Variants in PPP2R3A observed in about 807,000 individuals in gnomAD.
PPP2R3A encodes serine/threonine-protein phosphatase 2A regulatory subunit B'' subunit alpha.
PPP2R3A carries 80 observed loss-of-function variants against 106.9 expected under a neutral mutation model. That is an observed-to-expected ratio of 0.75 (90% CI 0.62 to 0.90). PPP2R3A has a LOEUF of 0.90. Among genes scored for constraint, PPP2R3A ranks in the 40% least tolerant of loss-of-function variants. The probability of loss-of-function intolerance (pLI) is 0.00; values close to 1 mark genes in which losing one functional copy is unlikely to be tolerated. For missense variants in PPP2R3A, 1,386 were observed against 1,350.4 expected, an observed-to-expected ratio of 1.03 and a Z score of -0.41; for synonymous variants, 483 against 468.3, an observed-to-expected ratio of 1.03 and a Z score of -0.41.
chr3:136,053,824 T>C (rs1360625585), intron 5 of PPP2R3A, among the ~76,000 whole-genome samples: 1 of 152,144 alleles, frequency 6.6e-6, no homozygotes, highest in Admixed American at 6.6e-5. Flanking sequence ...TCAAGAAAGA[T>C]ACCTGTTGAA....
chr3:136,140,570 G>GA (rs1402111456), intron 13 of PPP2R3A, among the ~76,000 whole-genome samples: 5 of 151,800 alleles, frequency 3.3e-5, no homozygotes, highest in Non-Finnish European at 7.4e-5. Flanking sequence ...CCAACATGGA[G>GA]AAACCCTGTC....
intron 3 of PPP2R3A, among the ~76,000 whole-genome samples, chr3:136,027,302 CA>C: frequency 6.6e-6 from 1 of 152,184 alleles, no homozygotes; most frequent in South Asian, 2.1e-4. Context: ...AAGACATCAC[CA>C]ACTCATAAAT....
Position 136,087,606 on chromosome 3 carries a change from C to A in PPP2R3A, c.2789-277C>A, listed in dbSNP as rs947071541. On this transcript the variant is annotated intron_variant, in intron 8 of 13. Transcript: ENST00000264977. ...TTGGTCTCATTGGATAAGATCAAAA[C>A]AAATCCTATATATTTTTGTCCTAGC... 1.8e-5 allele frequency: 5 copies of A among 280,022 alleles called. No individual in the cohort carries two copies. The East Asian group carries it at 3.4e-4, about 19-fold the overall frequency. The allele number at this position is 280,022 out of a possible 1,614,324, so 17.3% of individuals were successfully genotyped here.
intron 1 of PPP2R3A, among the ~76,000 whole-genome samples, chr3:135,998,087 G>A (rs1933473215): frequency 6.6e-6 from 1 of 152,188 alleles, no homozygotes; most frequent in African/African-American, 2.4e-5. Context: ...CTGCTGCTCT[G>A]TTTTCCTGCC....
chr3:136,053,101 A>G (rs564598871), intron 5 of PPP2R3A, among the ~76,000 whole-genome samples: 2 of 152,308 alleles, frequency 1.3e-5, no homozygotes, highest in South Asian at 2.1e-4. Flanking sequence ...AAAACAAACA[A>G]GGAGACAACA....
intron 1 of PPP2R3A, among the ~76,000 whole-genome samples, chr3:135,977,792 C>T (rs752564314): frequency 8.0e-5 from 12 of 149,614 alleles, no homozygotes; most frequent in East Asian, 5.9e-4. Flanking sequence ...CTCCGCTTCC[C>T]GGGCTCAAGC....
At chr3:135,990,096 A>G (rs564932699) in intron 1 of PPP2R3A, among the ~76,000 whole-genome samples, 2 of 152,344 alleles carry the variant, frequency 1.3e-5, no homozygotes, top group East Asian at 1.9e-4. Flanking sequence ...TTAAAAAGAC[A>G]AAACAGTAAC....
intron 5 of PPP2R3A, among the ~76,000 whole-genome samples, chr3:136,056,204 AAG>A (rs1935855045): frequency 6.6e-6 from 1 of 152,234 alleles, no homozygotes; most frequent in Non-Finnish European, 1.5e-5. Context: ...AGGAAAGTCT[AAG>A]AAACTGTCAC....
intron 1 of PPP2R3A, among the ~76,000 whole-genome samples, chr3:135,997,801 C>T (rs1933460263): frequency 6.6e-6 from 1 of 152,152 alleles, no homozygotes; most frequent in Non-Finnish European, 1.5e-5. Context: ...CTAATCAGTG[C>T]CCTCCTCTTT....
Position 136,103,240 on chromosome 3 carries a change from T to G in PPP2R3A, c.3104-18T>G. ...CAGCTCTTGATGAAATTTACCAGATTTGTTTATTTTTATGTAGGCAAAATA... is the reference window on the plus strand; with the variant it reads ...CAGCTCTTGATGAAATTTACCAGATGTGTTTATTTTTATGTAGGCAAAATA... On this transcript the variant is annotated intron_variant, in intron 11 of 13. Transcript: ENST00000264977. 6.6e-7 allele frequency: 1 copy of G among 1,514,548 alleles called. No homozygotes were observed. The highest frequency in any genetic ancestry group is 9.0e-7 in the Non-Finnish European group (1 of 1,105,932). The allele number at this position is 1,514,548 out of a possible 1,614,324, so 93.8% of individuals were successfully genotyped here.
chr3:136,070,132 T>C (rs1936380306), intron 5 of PPP2R3A, among the ~76,000 whole-genome samples: 1 of 152,220 alleles, frequency 6.6e-6, no homozygotes, highest in African/African-American at 2.4e-5. Flanking sequence ...TCTGTGTAAA[T>C]ACACTTTACA....
At chr3:135,984,119 A>G (rs904168703) in intron 1 of PPP2R3A, among the ~76,000 whole-genome samples, 2 of 151,686 alleles carry the variant, frequency 1.3e-5, no homozygotes, top group Non-Finnish European at 2.9e-5. Context: ...CCTTCTAACT[A>G]CCCTTCCTTT....
intron 4 of PPP2R3A, among the ~76,000 whole-genome samples, chr3:136,041,261 T>G (rs1461904857): frequency 5.7e-5 from 7 of 121,920 alleles, no homozygotes; most frequent in African/African-American, 2.4e-4. Context: ...TTTTTTTTTT[T>G]GTTTTTTTTT....
At chr3:136,090,463 G>A in intron 9 of PPP2R3A, 115 bp from the exon 10 acceptor site, 1 of 754,752 alleles carries the variant, frequency 1.3e-6, no homozygotes, top group Non-Finnish European at 2.2e-6. Flanking sequence ...GAGGCATTTA[G>A]CATTATAATT....
chr3:135,976,934 T>C (rs1050015446), intron 1 of PPP2R3A, among the ~76,000 whole-genome samples: 18 of 152,290 alleles, frequency 1.2e-4, no homozygotes, highest in African/African-American at 4.3e-4. Context: ...AAATTATCAA[T>C]TACTAAATTC....
chr3:136,061,966 T>C (rs889851569), intron 5 of PPP2R3A, among the ~76,000 whole-genome samples: 2 of 150,846 alleles, frequency 1.3e-5, no homozygotes, highest in African/African-American at 4.9e-5. Context: ...CTGACAATTA[T>C]GAATTTCTTT....
chr3:135,973,832 T>C (rs969025763), intron 1 of PPP2R3A, among the ~76,000 whole-genome samples: 6 of 152,206 alleles, frequency 3.9e-5, no homozygotes, highest in African/African-American at 1.2e-4. Flanking sequence ...ACCGGAGATA[T>C]AGTGCCTTTT....
chr3:136,113,385 A>G (rs1354700254), intron 13 of PPP2R3A, among the ~76,000 whole-genome samples: 2 of 152,202 alleles, frequency 1.3e-5, no homozygotes, highest in East Asian at 1.9e-4. Flanking sequence ...GTAAGCAATG[A>G]GGAAAGAACT....
intron 13 of PPP2R3A, among the ~76,000 whole-genome samples, chr3:136,143,027 G>C (rs1938940146): frequency 6.6e-6 from 1 of 152,148 alleles, no homozygotes; most frequent in Non-Finnish European, 1.5e-5. Context: ...GCCGCATTGA[G>C]GCCTCAAGGA....
Sources: allele counts gnomAD v4.1 joint callset (sites outside exome capture counted in the v4.1 genomes callset), GRCh38; gene constraint gnomAD v4.1.1; transcripts MANE v1.5; gene names NCBI Gene and HGNC (gene_info 2026-07-23, HGNC 2026-07-21).